The following MAN1C1 variants were observed in gnomAD, a reference collection of about 807,000 sequenced individuals.
MAN1C1 encodes mannosidase alpha class 1C member 1, also known as mannosyl-oligosaccharide 1,2-alpha-mannosidase IC.
A neutral mutation model predicts 71.5 loss-of-function variants in MAN1C1; 49 were observed. The observed-to-expected ratio is 0.69, with a 90% CI of 0.54 to 0.87. The LOEUF is 0.87. Among genes scored for constraint, MAN1C1 ranks in the 40% least tolerant of loss-of-function variants. The pLI is 0.00. For missense variants in MAN1C1, 743 were observed against 835.0 expected, an observed-to-expected ratio of 0.89 and a Z score of 1.36; for synonymous variants, 352 against 343.7, an observed-to-expected ratio of 1.02 and a Z score of -0.27.
intron 1 of MAN1C1, among the ~76,000 whole-genome samples, chr1:25,623,609 A>G (rs1414522989): frequency 6.6e-6 from 1 of 152,234 alleles, no homozygotes; most frequent in Non-Finnish European, 1.5e-5. Flanking sequence ...TACTTTGCTC[A>G]AAGGGACTTA....
At chr1:25,747,227 G>C (rs1309339145) in intron 3 of MAN1C1, among the ~76,000 whole-genome samples, 1 of 152,252 alleles carries the variant, frequency 6.6e-6, no homozygotes, top group African/African-American at 2.4e-5. Context: ...GAGATGGCCG[G>C]GTGGGGTGGG....
At chr1:25,758,306 C>G (rs12037454) in intron 5 of MAN1C1, among the ~76,000 whole-genome samples, 19,828 of 152,192 alleles carry the variant, frequency 0.13, 1,510 homozygotes, top group South Asian at 0.31. Flanking sequence ...AACTCTTGTA[C>G]CAGGTCTCGA....
intron 1 of MAN1C1, among the ~76,000 whole-genome samples, chr1:25,683,107 A>G (rs1002451336): frequency 1.3e-5 from 2 of 151,992 alleles, no homozygotes; most frequent in Non-Finnish European, 2.9e-5. Context: ...AGAACTGCCT[A>G]AGCATGACAG....
chr1:25,757,653 G>A (rs201126418), intron 5 of MAN1C1, among the ~76,000 whole-genome samples: 1 of 152,188 alleles, frequency 6.6e-6, no homozygotes, highest in African/African-American at 2.4e-5. Flanking sequence ...GGAGGCATGC[G>A]AGGATTAAGT....
chr1:25,738,291 A>G (rs866571567), intron 2 of MAN1C1, among the ~76,000 whole-genome samples: 2 of 152,308 alleles, frequency 1.3e-5, no homozygotes, highest in South Asian at 4.2e-4. Context: ...GACACACGAG[A>G]AACAGACCAG....
At chr1:25,722,967 A>G (rs1158588346) in intron 2 of MAN1C1, among the ~76,000 whole-genome samples, 1 of 152,096 alleles carries the variant, frequency 6.6e-6, no homozygotes, top group Non-Finnish European at 1.5e-5. Flanking sequence ...CAGCCTTCTG[A>G]TTGTGACCTG....
chr1:25,700,683 C>G (rs2046430137), intron 2 of MAN1C1, among the ~76,000 whole-genome samples: 1 of 152,200 alleles, frequency 6.6e-6, no homozygotes, highest in Non-Finnish European at 1.5e-5. Flanking sequence ...TCATAAAGTT[C>G]CCCACAGTTC....
At chr1:25,768,002 C>T (rs1369816198) in intron 7 of MAN1C1, among the ~76,000 whole-genome samples, 1 of 84,174 alleles carries the variant, frequency 1.2e-5, no homozygotes, top group Non-Finnish European at 2.6e-5. Flanking sequence ...TACATACACT[C>T]CCCCACACAC....
intron 2 of MAN1C1, among the ~76,000 whole-genome samples, chr1:25,699,305 T>TA (rs778292367): frequency 2.3e-3 from 284 of 124,186 alleles, no homozygotes; most frequent in African/African-American, 5.2e-3. Context: ...CATCTTAAAT[T>TA]AAAAAAAAAA....
Position 25,725,480 on chromosome 1 carries a change from G to A in MAN1C1, c.638-21188G>A, listed in dbSNP as rs1294850173. The stretch of plus-strand genomic sequence containing the variant: ...AGGTTACGTTGAGCTGGGCTTTGAA[G>A]AATAAGCTGGAGTCTCCCAGGTGAG... On this transcript the variant is annotated intron_variant, in intron 2 of 11. Coordinates refer to ENST00000374332, the MANE Select transcript of MAN1C1 (RefSeq NM_020379.4). This position sits in a 1 kb window ranked among gnomAD's most constrained non-coding sequence, Gnocchi z 4.8. 6.6e-6 allele frequency among the ~76,000 whole-genome samples: 1 copy of A among 152,242 alleles called. No homozygotes were observed. Among genetic ancestry groups the A allele is most frequent in the African/African-American group, 2.4e-5 (1 of 41,454 alleles).
chr1:25,707,786 G>A (rs912417979), intron 2 of MAN1C1, among the ~76,000 whole-genome samples: 2 of 152,218 alleles, frequency 1.3e-5, no homozygotes, highest in Non-Finnish European at 2.9e-5. Context: ...GAAGACAGCT[G>A]CAAACAGTTA....
At chr1:25,692,764 C>T (rs1469917521) in intron 2 of MAN1C1, among the ~76,000 whole-genome samples, 9 of 152,186 alleles carry the variant, frequency 5.9e-5, no homozygotes, top group Non-Finnish European at 8.8e-5. Flanking sequence ...GTGTGTGCCA[C>T]GTCCTGTACA....
chr1:25,686,173 C>A (rs995633734), intron 1 of MAN1C1, among the ~76,000 whole-genome samples: 2 of 152,158 alleles, frequency 1.3e-5, no homozygotes, highest in Non-Finnish European at 1.5e-5. Flanking sequence ...TGAAGGATAT[C>A]TAGAATTTAG....
intron 2 of MAN1C1, among the ~76,000 whole-genome samples, chr1:25,734,262 A>G (rs1035681279): frequency 6.6e-6 from 1 of 151,836 alleles, no homozygotes; most frequent in Non-Finnish European, 1.5e-5. Flanking sequence ...CTAAGTAGCT[A>G]GGACTACAGG....
intron 7 of MAN1C1, among the ~76,000 whole-genome samples, chr1:25,771,444 G>A (rs538406796): frequency 6.6e-6 from 1 of 152,188 alleles, no homozygotes; most frequent in South Asian, 2.1e-4. Flanking sequence ...TTTTGTGCAG[G>A]ATGAGCGCTC....
At chr1:25,633,690 T>C (rs964749818) in intron 1 of MAN1C1, among the ~76,000 whole-genome samples, 6 of 152,224 alleles carry the variant, frequency 3.9e-5, no homozygotes, top group Admixed American at 1.3e-4. Flanking sequence ...GGTGAGTCTC[T>C]TAAAGACAGC....
At chr1:25,765,028 A>G (rs1572204391) in intron 7 of MAN1C1, among the ~76,000 whole-genome samples, 1 of 152,266 alleles carries the variant, frequency 6.6e-6, no homozygotes, top group Non-Finnish European at 1.5e-5. Flanking sequence ...AACCTGGGCG[A>G]CAGAGCAAGA....
intron 1 of MAN1C1, among the ~76,000 whole-genome samples, chr1:25,644,366 A>G (rs1266491770): frequency 1.3e-5 from 2 of 151,598 alleles, no homozygotes; most frequent in African/African-American, 4.9e-5. Context: ...ACTGTGAGAC[A>G]TCTTGGAAGG....
intron 1 of MAN1C1, among the ~76,000 whole-genome samples, chr1:25,679,950 A>AAAAAATATATATAT (rs1285307256): frequency 8.5e-6 from 1 of 117,262 alleles, no homozygotes; most frequent in African/African-American, 3.8e-5. Flanking sequence ...AAAAAAAAAA[A>AAAAAATATATATAT]ATATATATAT....
Sources: gnomAD v4.1 joint callset for allele counts (sites outside exome capture counted in the v4.1 genomes callset) on GRCh38, gnomAD v4.1.1 for gene constraint, Gnocchi (gnomAD v3.1) non-coding constraint, MANE v1.5 for transcripts, NCBI Gene and HGNC (gene_info 2026-07-23, HGNC 2026-07-21) for gene names.